FOXK2: variants seen among roughly 807,000 people sequenced by gnomAD.
The protein encoded by FOXK2 is forkhead box K2.
FOXK2 carries 24 observed loss-of-function variants against 53.3 expected under a neutral mutation model. The ratio of observed to expected loss-of-function variants is 0.45; its 90% CI spans 0.33 to 0.63. FOXK2 has a LOEUF of 0.63. Ranked by LOEUF, FOXK2 falls within the 30% of genes least tolerant of loss-of-function variation. FOXK2 has a pLI of 0.03. For missense variants in FOXK2, 952 were observed against 910.5 expected, an observed-to-expected ratio of 1.05 and a Z score of -0.59; for synonymous variants, 505 against 407.1, an observed-to-expected ratio of 1.24 and a Z score of -2.89.
At chr17:82,576,558 C>G in intron 4 of FOXK2, 2 of 722,766 alleles carry the variant, frequency 2.8e-6, no homozygotes, top group Non-Finnish European at 4.8e-6. Flanking sequence ...TGAGCTGAGC[C>G]TGTTGGGCTG....
intron 8 of FOXK2, among the ~76,000 whole-genome samples, chr17:82,595,223 A>AT (rs1398971285): frequency 3.3e-5 from 5 of 152,310 alleles, no homozygotes; most frequent in Admixed American, 3.3e-4. Context: ...ACAGATTCCC[A>AT]TTAGGTCGTC....
chr17:82,554,760 T>A (rs1567972432), intron 1 of FOXK2, among the ~76,000 whole-genome samples: 1 of 151,782 alleles, frequency 6.6e-6, no homozygotes, highest in Non-Finnish European at 1.5e-5. Context: ...TTTCTTTTTT[T>A]CCAAGACAGA....
At chr17:82,584,891 G>C (rs1598228987) in intron 6 of FOXK2, among the ~76,000 whole-genome samples, 1 of 152,238 alleles carries the variant, frequency 6.6e-6, no homozygotes, top group East Asian at 1.9e-4. Context: ...ACAGTTTGCA[G>C]TTTACTTAGT....
chr17:82,546,155 C>T (rs1364414977), intron 1 of FOXK2, among the ~76,000 whole-genome samples: 7 of 116,850 alleles, frequency 6.0e-5, no homozygotes, highest in Non-Finnish European at 8.0e-5. Context: ...CTCGCTTGGT[C>T]GCCCAGGCTG....
chr17:82,572,083 C>T (rs1045076458), intron 4 of FOXK2: 48 of 436,780 alleles, frequency 1.1e-4, no homozygotes, highest in Non-Finnish European at 1.0e-4. Context: ...TCTGGAGGAG[C>T]GTCTAGGCCT....
intron 2 of FOXK2, among the ~76,000 whole-genome samples, chr17:82,564,942 G>T (rs1192342940): frequency 6.6e-6 from 1 of 151,826 alleles, no homozygotes; most frequent in Admixed American, 6.6e-5. Flanking sequence ...GTTGGTCAGG[G>T]TGGTCTTGAA....
chr17:82,558,762 CT>C (rs376587861), intron 1 of FOXK2, among the ~76,000 whole-genome samples: 54 of 148,826 alleles, frequency 3.6e-4, no homozygotes, highest in African/African-American at 4.7e-4. Flanking sequence ...ATCTTTACAT[CT>C]TTTTTTTTTT....
chr17:82,578,428 C>T (rs1039309028), intron 4 of FOXK2: 2 of 150,230 alleles, frequency 1.3e-5, no homozygotes, highest in African/African-American at 2.5e-5. Context: ...TAACAGCCCA[C>T]GTTTTCTCTG....
At chr17:82,558,970 C>T (rs1412208367) in intron 1 of FOXK2, among the ~76,000 whole-genome samples, 5 of 152,056 alleles carry the variant, frequency 3.3e-5, no homozygotes. Flanking sequence ...AGGATGGTCT[C>T]GATCTCCTGA....
chr17:82,588,012 T>C (rs2045210916), intron 8 of FOXK2, among the ~76,000 whole-genome samples: 1 of 152,036 alleles, frequency 6.6e-6, no homozygotes, highest in Non-Finnish European at 1.5e-5. Flanking sequence ...TGAAAGAGGG[T>C]ACAGGTCAGA....
intron 4 of FOXK2, among the ~76,000 whole-genome samples, chr17:82,582,026 T>C (rs1434354545): frequency 6.6e-6 from 1 of 152,214 alleles, no homozygotes; most frequent in Non-Finnish European, 1.5e-5. Flanking sequence ...TTCAGCCTCC[T>C]GCTCATTTTT....
At chr17:82,597,995 T>C (rs898051283) in intron 8 of FOXK2, among the ~76,000 whole-genome samples, 3 of 152,160 alleles carry the variant, frequency 2.0e-5, no homozygotes, top group African/African-American at 7.2e-5. Flanking sequence ...GTTCTCTAAT[T>C]GACACAGAAT....
intron 1 of FOXK2, among the ~76,000 whole-genome samples, chr17:82,522,065 T>TTTC (rs1466761873): frequency 3.4e-5 from 5 of 148,390 alleles, no homozygotes; most frequent in Non-Finnish European, 5.9e-5. Context: ...TTTTTTTTTT[T>TTTC]ACAAAATACT....
chr17:82,603,303 TGTCTTCTTACTCAG>T lies in FOXK2; in HGVS notation c.*1805_*1818del, dbSNP rs2045408128. 3 of 152,296 alleles carry T rather than the reference TGTCTTCTTACTCAG, an allele frequency of 2.0e-5. No homozygotes were observed. The South Asian group carries it at 6.2e-4, about 31-fold the overall frequency. 9.4% of individuals were successfully genotyped at this position (152,296 alleles called of 1,614,324 possible). ...ACAGATACCTTGGAATGTATATTTTTGTCTTCTTACTCAGAAGGTTTGCAGTTTGTAAAATAATC... is the reference window on the plus strand; with the variant it reads ...ACAGATACCTTGGAATGTATATTTTTAAGGTTTGCAGTTTGTAAAATAATC... On this transcript the variant is annotated 3_prime_UTR_variant, in exon 9 of 9. Coordinates refer to ENST00000335255, the MANE Select transcript of FOXK2 (RefSeq NM_004514.4).
chr17:82,529,388 AT>A (rs767198244), intron 1 of FOXK2, among the ~76,000 whole-genome samples: 11,654 of 121,982 alleles, frequency 0.096, 483 homozygotes, highest in South Asian at 0.13. Flanking sequence ...ACGCCGGCTA[AT>A]TTTTTTTTTT....
chr17:82,542,826 A>G (rs1042150659), intron 1 of FOXK2, among the ~76,000 whole-genome samples: 1 of 152,096 alleles, frequency 6.6e-6, no homozygotes, highest in African/African-American at 2.4e-5. Flanking sequence ...AGACCAGTCT[A>G]AGGAACATAG....
chr17:82,564,239 C>A (rs1037283611), intron 2 of FOXK2, among the ~76,000 whole-genome samples: 1 of 151,916 alleles, frequency 6.6e-6, no homozygotes, highest in Non-Finnish European at 1.5e-5. Flanking sequence ...AGACATGTGC[C>A]ACCATACCCG....
chr17:82,599,634 C>T (rs2045359625), intron 8 of FOXK2: 1 of 152,272 alleles, frequency 6.6e-6, no homozygotes, highest in Non-Finnish European at 1.5e-5. Context: ...CTCTTCGGAG[C>T]CCAGTGTTGA....
intron 2 of FOXK2, 109 bp downstream of exon 2, chr17:82,563,657 G>A: frequency 1.1e-6 from 1 of 930,858 alleles, no homozygotes; most frequent in African/African-American, 1.7e-5. Context: ...GAGAATGTGA[G>A]GTGGTGTTTA....
Sources: allele counts gnomAD v4.1 joint callset (sites outside exome capture counted in the v4.1 genomes callset), GRCh38; gene constraint gnomAD v4.1.1; transcripts MANE v1.5; gene names NCBI Gene and HGNC (gene_info 2026-07-23, HGNC 2026-07-21).